Variants in ACSL5 observed in about 807,000 individuals in gnomAD.
The protein encoded by ACSL5 is acyl-CoA synthetase long chain family member 5, also known as long-chain-fatty-acid--CoA ligase 5.
A neutral mutation model predicts 84.9 loss-of-function variants in ACSL5; 50 were observed. That is an observed-to-expected ratio of 0.59 (90% CI 0.47 to 0.75). The LOEUF is 0.75. Among genes scored for constraint, ACSL5 ranks in the 30% least tolerant of loss-of-function variants. The pLI, the probability that ACSL5 is intolerant of heterozygous loss-of-function variation, is 0.00. For missense variants in ACSL5, 775 were observed against 830.4 expected, an observed-to-expected ratio of 0.93 and a Z score of 0.82; for synonymous variants, 280 against 300.7, an observed-to-expected ratio of 0.93 and a Z score of 0.71.
Position 112,404,529 on chromosome 10 carries a change from G to A in ACSL5, c.284G>A (p.Gly95Glu). The change falls in exon 4 of 21, where the codon GGA becomes GAA. Residue 95 changes from glycine (G) to glutamate (E), a missense_variant. Gly to Glu is a moderately conservative substitution (Grantham distance 98). Coordinates refer to ENST00000354655, the MANE Select transcript of ACSL5 (RefSeq NM_203379.2). ...TTTTTAGACAATGGGCCCTGCTTGG[G>A]ATATAGAAAACCAAACCAGCCCTAC... ...LAVSDNGPCLGYRKPNQPYRW... is the reference protein window; with the variant it reads ...LAVSDNGPCLEYRKPNQPYRW... 1 of 1,613,662 alleles carries A rather than the reference G, an allele frequency of 6.2e-7. No homozygotes were observed. Among genetic ancestry groups the A allele is most frequent in the East Asian group, 2.2e-5 (1 of 44,878 alleles).
At chr10:112,421,734 T>A in intron 15 of ACSL5, 69 bp downstream of exon 15, 2 of 1,506,526 alleles carry the variant, frequency 1.3e-6, no homozygotes. Flanking sequence ...ACTAGGACTT[T>A]GGAGTTTAGA....
intron 1 of ACSL5, among the ~76,000 whole-genome samples, chr10:112,375,020 T>C (rs1849210283): frequency 6.6e-6 from 1 of 151,614 alleles, no homozygotes; most frequent in Non-Finnish European, 1.5e-5. Context: ...TCAACCTTCC[T>C]GAACTTGAGC....
intron 10 of ACSL5, 92 bp downstream of exon 10, chr10:112,411,621 C>A: frequency 9.4e-7 from 1 of 1,067,452 alleles, no homozygotes; most frequent in South Asian, 1.4e-5. Context: ...GACACACACA[C>A]ACACATACAC....
rs950692797 is a variant in ACSL5 at position 112,426,241 on chromosome 10, T to C, written c.1738-17T>C. The C allele has an allele frequency of 1.2e-6, 2 of 1,607,304 alleles. No individual in the cohort carries two copies. The highest frequency in any genetic ancestry group is 2.7e-5 in the African/African-American group (2 of 74,806). On this transcript the variant is annotated splice_polypyrimidine_tract_variant and intron_variant, in intron 18 of 20. Coordinates refer to ENST00000354655, the MANE Select transcript of ACSL5 (RefSeq NM_203379.2). ...AACTTCTCTCATGCCCTTGCACCTT[T>C]TATTTCCTTTCCATAGTCATCCTTA...
At chr10:112,410,255 T>C (rs1264904669) in intron 7 of ACSL5, 1 of 1,530,786 alleles carries the variant, frequency 6.5e-7, no homozygotes, top group Non-Finnish European at 8.8e-7. Flanking sequence ...CTACCCTCTA[T>C]AGGTAGATGA....
rs1844120494 is a variant in ACSL5, at chr10:112,409,250, G to A, written c.533-257G>A. ...TTAGGTTATCTGAATGACTTCTTAA[G>A]CAGAAGGAATTCTGTGGTTCCTCTA... On this transcript the variant is annotated intron_variant, in intron 6 of 20. Coordinates refer to ENST00000354655, the MANE Select transcript of ACSL5 (RefSeq NM_203379.2). The A allele has an allele frequency of 1.7e-5, 7 of 423,874 alleles. No homozygotes were observed. In the South Asian group the frequency reaches 3.0e-4, roughly 18 times the overall value. The allele number at this position is 423,874 out of a possible 1,614,324, so 26.3% of individuals were successfully genotyped here. A position where few individuals can be genotyped will look rare whatever the true frequency, so the allele number is the denominator to read the frequency against.
chr10:112,404,686 C>T lies in ACSL5; in HGVS notation c.331-19C>T, dbSNP rs1343674309. 6.2e-7 allele frequency: 1 copy of T among 1,609,762 alleles called. No individual in the cohort carries two copies. The highest frequency in any genetic ancestry group is 1.1e-5 in the South Asian group (1 of 90,904). On this transcript the variant is annotated intron_variant, in intron 4 of 20. Coordinates refer to ENST00000354655, the MANE Select transcript of ACSL5 (RefSeq NM_203379.2). ...TGACCTCTTCTCTCTCTCTCTCACC[C>T]CATCTCTCTTTTTTGTAGGTGTCTG...
chr10:112,416,910 C>G lies in ACSL5; in HGVS notation c.1106C>G (p.Pro369Arg), dbSNP rs1589695381. ...CAGGTACAAAATGAGGCCAAGACAC[C>G]CTTGAAGAAGTTCTTGTTGAAGCTG... ...YDKVQNEAKT[P>R]LKKFLLKLAV... is the part of the protein sequence containing the mutation. The change falls in exon 13 of 21, where the codon CCC becomes CGC. Residue 369 changes from proline (P) to arginine (R), a missense_variant. Coordinates refer to ENST00000354655, the MANE Select transcript of ACSL5 (RefSeq NM_203379.2). 6.2e-7 allele frequency: 1 copy of G among 1,613,980 alleles called. No individual in the cohort carries two copies. Among genetic ancestry groups the G allele is most frequent in the African/African-American group, 1.3e-5 (1 of 74,994 alleles).
Position 112,407,558 on chromosome 10 carries a change from C to T in ACSL5, c.433-864C>T, listed in dbSNP as rs533202776. On this transcript the variant is annotated intron_variant, in intron 5 of 20. Coordinates refer to ENST00000354655, the MANE Select transcript of ACSL5 (RefSeq NM_203379.2). ...TTTGAATGGGTACGCAGCTAAACCA[C>T]GTCAAACAGTATGAGGGTAACCACC... 3.9e-5 allele frequency among the ~76,000 whole-genome samples: 6 copies of T among 152,186 alleles called. No homozygotes were observed. In the East Asian group the frequency reaches 7.8e-4, roughly 20 times the overall value.
In ACSL5 at chr10:112,408,485, T is replaced by C. The variant is rs780079853; in HGVS notation, c.496T>C (p.Leu166=). Residue 166 remains leucine, a synonymous_variant, in exon 6 of 21, where the codon TTG becomes CTG. Transcript: ENST00000354655. ...SMVAVPLYDT[L]GPEAIVHIVN... ...GGTAGCTGTACCTCTGTATGACACC[T>C]TGGGACCAGAAGCCATCGTACATAT... 7 of 1,613,522 alleles carry C rather than the reference T, an allele frequency of 4.3e-6. No individual in the cohort carries two copies. The East Asian group carries it at 1.3e-4, about 31-fold the overall frequency.
chr10:112,410,752 C>G, intron 9 of ACSL5, 117 bp downstream of exon 9: 2 of 1,051,866 alleles, frequency 1.9e-6, no homozygotes, highest in South Asian at 3.0e-5. Flanking sequence ...CTTAGGGGCT[C>G]ACAGCCTAAG....
At chr10:112,395,953 C>T (rs137890321) in intron 2 of ACSL5, 136 of 152,452 alleles carry the variant, frequency 8.9e-4, no homozygotes, top group African/African-American at 3.0e-3. Context: ...GACATCTTCC[C>T]GTCCTGCTGC....
Position 112,411,897 on chromosome 10 carries a change from C to A in ACSL5, c.871-5C>A. The A allele has an allele frequency of 6.2e-7, 1 of 1,612,638 alleles. No individual in the cohort carries two copies. The highest frequency in any genetic ancestry group is 8.5e-7 in the Non-Finnish European group (1 of 1,178,630). The stretch of plus-strand genomic sequence containing the variant: ...TGCCTCCTCTTACTTCCCTGGCCTA[C>A]ATAGCATGCTTATGAGCCCACTCCT... On this transcript the variant is annotated splice_region_variant and splice_polypyrimidine_tract_variant and intron_variant, in intron 10 of 20. Coordinates refer to ENST00000354655, the MANE Select transcript of ACSL5 (RefSeq NM_203379.2).
At chr10:112,390,472 G>C (rs1849535473) in intron 1 of ACSL5, among the ~76,000 whole-genome samples, 1 of 152,194 alleles carries the variant, frequency 6.6e-6, no homozygotes. Flanking sequence ...AAACACTTTG[G>C]TGGTTCCGCA....
intron 1 of ACSL5, among the ~76,000 whole-genome samples, chr10:112,393,070 G>T (rs1843677233): frequency 6.6e-6 from 1 of 152,068 alleles, no homozygotes; most frequent in African/African-American, 2.4e-5. Flanking sequence ...CTTCCCTGAG[G>T]CAGTCCTCCC....
At chr10:112,402,761 T>C (rs1302609741) in intron 3 of ACSL5, among the ~76,000 whole-genome samples, 1 of 152,214 alleles carries the variant, frequency 6.6e-6, no homozygotes, top group Non-Finnish European at 1.5e-5. Flanking sequence ...AATAATTCCT[T>C]TTGGCAAGAC....
chr10:112,380,441 T>C (rs1849326680), intron 1 of ACSL5, among the ~76,000 whole-genome samples: 2 of 151,964 alleles, frequency 1.3e-5, no homozygotes, highest in African/African-American at 4.8e-5. Context: ...TTGGAGACTT[T>C]TTCTTCCCCC....
At chr10:112,400,091 A>G (rs1349105250) in intron 3 of ACSL5, among the ~76,000 whole-genome samples, 1 of 152,252 alleles carries the variant, frequency 6.6e-6, no homozygotes, top group Non-Finnish European at 1.5e-5. Context: ...CTGGCTCCAA[A>G]TCAGCATTTA....
rs544590796 is a variant in ACSL5, at chr10:112,386,996, T to A, written c.-29-7922T>A. Reference sequence around the variant, plus strand: ...GGTTTTTAGAATTTCTCCTCTCAGCTCTTTTTTTAAATTTTGTTTTGTTTT... The same window carrying A: ...GGTTTTTAGAATTTCTCCTCTCAGCACTTTTTTTAAATTTTGTTTTGTTTT... On this transcript the variant is annotated intron_variant, in intron 1 of 20. Transcript: ENST00000354655. 3.3e-5 allele frequency among the ~76,000 whole-genome samples: 5 copies of A among 152,340 alleles called. No individual in the cohort carries two copies. In the East Asian group the frequency reaches 9.6e-4, roughly 29 times the overall value.
Sources: gnomAD v4.1 joint callset for allele counts (sites outside exome capture counted in the v4.1 genomes callset) on GRCh38, gnomAD v4.1.1 for gene constraint, MANE v1.5 for transcripts, NCBI Gene and HGNC (gene_info 2026-07-23, HGNC 2026-07-21) for gene names.